Variants in MTREX observed in about 807,000 individuals in gnomAD.
MTREX encodes exosome RNA helicase MTR4.
MTREX carries 76 observed loss-of-function variants against 135.4 expected under a neutral mutation model. The observed-to-expected ratio is 0.56, with a 90% CI of 0.47 to 0.68. MTREX has a LOEUF of 0.68. MTREX is among the 30% of genes least tolerant of loss of function. The probability of loss-of-function intolerance (pLI) is 0.00; values close to 1 mark genes in which losing one functional copy is unlikely to be tolerated. For missense variants in MTREX, 920 were observed against 1,262.1 expected, an observed-to-expected ratio of 0.73 and a Z score of 4.11; for synonymous variants, 404 against 401.6, an observed-to-expected ratio of 1.01 and a Z score of -0.07.
chr5:55,404,797 CTT>C (rs10714588), intron 21 of MTREX, among the ~76,000 whole-genome samples: 37 of 131,982 alleles, frequency 2.8e-4, no homozygotes, highest in South Asian at 4.8e-4. Flanking sequence ...GCTCTGTTCT[CTT>C]TTTTTTTTTT....
chr5:55,336,869 G>A (rs1383463630), intron 5 of MTREX, among the ~76,000 whole-genome samples: 1 of 152,154 alleles, frequency 6.6e-6, no homozygotes, highest in Non-Finnish European at 1.5e-5. Flanking sequence ...GAGGAATAAT[G>A]GTATGTGATT....
chr5:55,412,739 G>A (rs563166193), intron 23 of MTREX, among the ~76,000 whole-genome samples: 1 of 152,316 alleles, frequency 6.6e-6, no homozygotes, highest in Admixed American at 6.5e-5. Context: ...ATCAGGACTG[G>A]TGCCTTCCAC....
rs1171618202 is a variant in MTREX, at chr5:55,415,959, T to C, written c.2809-11T>C. The C allele has an allele frequency of 6.4e-7, 1 of 1,568,892 alleles. No homozygotes were observed. The highest frequency in any genetic ancestry group is 1.4e-5 in the African/African-American group (1 of 72,080). On this transcript the variant is annotated splice_polypyrimidine_tract_variant and intron_variant, in intron 24 of 26. Coordinates refer to ENST00000230640, the MANE Select transcript of MTREX (RefSeq NM_015360.5). ...CATAAGTAAGGAATTTTAACTCTTT[T>C]ATCTTTAAAGGAATGTGCTAAAAGA...
Position 55,410,591 on chromosome 5 carries a change from G to A in MTREX, c.2713G>A (p.Ala905Thr), listed in dbSNP as rs879819457. Residue 905 changes from alanine to threonine, a missense_variant, in exon 23 of 27, where the codon GCA (alanine) becomes ACA (threonine). Ala to Thr is a moderately conservative substitution (Grantham distance 58). Coordinates refer to ENST00000230640, the MANE Select transcript of MTREX (RefSeq NM_015360.5). ...TTTCAATGACCTTTCTGCAGAACAG[G>A]CAACAGCATTATTAAGCTGCTTTGT... is the stretch of plus-strand genomic sequence containing the variant. ...GLFNDLSAEQATALLSCFVFQ... is the reference protein window; with the variant it reads ...GLFNDLSAEQTTALLSCFVFQ... The A allele has an allele frequency of 6.2e-7, 1 of 1,610,608 alleles. No individual in the cohort carries two copies. Among genetic ancestry groups the A allele is most frequent in the Non-Finnish European group, 8.5e-7 (1 of 1,177,758 alleles).
intron 15 of MTREX, among the ~76,000 whole-genome samples, chr5:55,364,576 A>G (rs1176683030): frequency 6.6e-6 from 1 of 152,184 alleles, no homozygotes; most frequent in Non-Finnish European, 1.5e-5. Flanking sequence ...GTTTAGGAAG[A>G]TTCATCTGGC....
rs746990485 is a variant in MTREX at position 55,405,597 on chromosome 5, T to C, written c.2645+9T>C. 6.3e-7 allele frequency: 1 copy of C among 1,594,628 alleles called. No homozygotes were observed. Among genetic ancestry groups the C allele is most frequent in the Non-Finnish European group, 8.5e-7 (1 of 1,171,266 alleles). On this transcript the variant is annotated intron_variant, in intron 22 of 26. Coordinates refer to ENST00000230640, the MANE Select transcript of MTREX (RefSeq NM_015360.5). ...GCTTGTGAGATAAGCAGGTAAAATC[T>C]GGTTATTGTTCTAGAAAGTTCATTT...
chr5:55,339,022 C>T (rs1168364765), intron 5 of MTREX, among the ~76,000 whole-genome samples: 5 of 151,830 alleles, frequency 3.3e-5, no homozygotes, highest in East Asian at 1.9e-4. Context: ...GAACTCTTGG[C>T]GTCATGTGAT....
At position 55,308,160 on chromosome 5, in the gene MTREX, T is replaced by G. The variant is rs1381681604; in HGVS notation, c.134+13T>G. The G allele has an allele frequency of 6.4e-7, 1 of 1,565,846 alleles. No homozygotes were observed. The highest frequency in any genetic ancestry group is 1.2e-5 in the South Asian group (1 of 85,952). On this transcript the variant is annotated intron_variant, in intron 1 of 26. Coordinates refer to ENST00000230640, the MANE Select transcript of MTREX (RefSeq NM_015360.5). The stretch of plus-strand genomic sequence containing the variant: ...CAGACAAGGCAGGGTAAGGAAGAAG[T>G]TCCAGTTGTTGCTTTTATTTTTTTT...
intron 2 of MTREX, 101 bp from the exon 3 acceptor site, chr5:55,324,031 A>T: frequency 1.2e-6 from 1 of 801,518 alleles, no homozygotes; most frequent in Non-Finnish European, 2.1e-6. Flanking sequence ...AATACTGATG[A>T]TTGGACAGTG....
At chr5:55,422,024 A>C (rs2111634666) in intron 25 of MTREX, among the ~76,000 whole-genome samples, 1 of 152,300 alleles carries the variant, frequency 6.6e-6, no homozygotes, top group South Asian at 2.1e-4. Flanking sequence ...ACAAATAATT[A>C]TTATTAATTT....
intron 5 of MTREX, among the ~76,000 whole-genome samples, chr5:55,336,356 G>A (rs1353020015): frequency 6.6e-6 from 1 of 152,024 alleles, no homozygotes; most frequent in Non-Finnish European, 1.5e-5. Flanking sequence ...TTTTTTGCTG[G>A]TTGCTCTTTA....
Position 55,366,829 on chromosome 5 carries a change from C to T in MTREX, c.1764C>T (p.Ser588=), listed in dbSNP as rs1231267945. The part of the protein sequence containing the change: ...EINPEYMLEK[S]FYQFQHYRAI... The stretch of plus-strand genomic sequence containing the variant: ...ATCCTGAGTACATGTTGGAAAAATC[C>T]TTCTACCAGTTTCAGCATTATAGAG... Residue 588 remains serine (S), a synonymous_variant, in exon 16 of 27, where the codon TCC becomes TCT. Transcript: ENST00000230640. 6.2e-7 allele frequency: 1 copy of T among 1,609,480 alleles called. No homozygotes were observed. The highest frequency in any genetic ancestry group is 8.5e-7 in the Non-Finnish European group (1 of 1,177,738).
chr5:55,407,317 A>G (rs560365504), intron 22 of MTREX, among the ~76,000 whole-genome samples: 7 of 152,348 alleles, frequency 4.6e-5, no homozygotes, highest in Admixed American at 3.9e-4. Context: ...ATAATGTGCT[A>G]TTGGATTTTA....
intron 13 of MTREX, 118 bp downstream of exon 13, chr5:55,351,147 TTAAA>T: frequency 8.2e-7 from 1 of 1,214,866 alleles, no homozygotes; most frequent in Non-Finnish European, 1.1e-6. Context: ...ATGAAATGAC[TTAAA>T]TAATGAACTT....
intron 15 of MTREX, among the ~76,000 whole-genome samples, chr5:55,364,114 G>A (rs894081552): frequency 1.3e-5 from 2 of 152,154 alleles, no homozygotes; most frequent in African/African-American, 2.4e-5. Context: ...TGGGGGTTAC[G>A]TTTTAATTTT....
chr5:55,331,602 G>A (rs960954710), intron 5 of MTREX, among the ~76,000 whole-genome samples: 3 of 152,008 alleles, frequency 2.0e-5, no homozygotes, highest in Non-Finnish European at 4.4e-5. Context: ...ACTTATTCAC[G>A]GATCATTACT....
chr5:55,411,510 A>G (rs1038463215), intron 23 of MTREX, among the ~76,000 whole-genome samples: 7 of 152,144 alleles, frequency 4.6e-5, no homozygotes, highest in Non-Finnish European at 7.4e-5. Flanking sequence ...AGATGTATTC[A>G]GTGAAACCAC....
chr5:55,317,609 C>T lies in MTREX; in HGVS notation c.135-4718C>T, dbSNP rs555767009. On this transcript the variant is annotated intron_variant, in intron 1 of 26. Transcript: ENST00000230640. Reference sequence around the variant, plus strand: ...AAATTGAAGGTGGACCCCTTCTTTACACCATGTAGAAAAATCAACTCAAGG... The same window carrying T: ...AAATTGAAGGTGGACCCCTTCTTTATACCATGTAGAAAAATCAACTCAAGG... Among the ~76,000 whole-genome samples, 124 of 152,296 alleles carry T rather than the reference C, an allele frequency of 8.1e-4. 1 individual carries two copies. The highest frequency in any genetic ancestry group is 2.9e-3 in the African/African-American group (121 of 41,566).
At chr5:55,353,290 A>T (rs745505292) in intron 14 of MTREX, 21 bp downstream of exon 14, 2 of 1,503,286 alleles carry the variant, frequency 1.3e-6, no homozygotes, top group African/African-American at 2.8e-5. Context: ...CAATTCATAT[A>T]TCAAAATAAT....
Sources: allele counts gnomAD v4.1 joint callset (sites outside exome capture counted in the v4.1 genomes callset), GRCh38; gene constraint gnomAD v4.1.1; transcripts MANE v1.5; gene names NCBI Gene and HGNC (gene_info 2026-07-23, HGNC 2026-07-21).